The following NLK variants were observed in gnomAD, a reference collection of about 807,000 sequenced individuals.
NLK encodes the protein nemo like kinase.
In NLK, 11 loss-of-function variants were observed where a neutral mutation model predicts 59.0. The observed-to-expected ratio is 0.19, with a 90% CI of 0.12 to 0.31. The LOEUF (loss-of-function observed/expected upper bound fraction) is 0.31, where lower values mean the gene tolerates loss of function less well. Among genes scored for constraint, NLK ranks in the 10% least tolerant of loss-of-function variants. The pLI, the probability that NLK is intolerant of heterozygous loss-of-function variation, is 1.00. For missense variants in NLK, 410 were observed against 661.1 expected (o/e 0.62, Z 4.16); for synonymous variants, 235 against 235.9 (o/e 1.00, Z 0.03).
intron 1 of NLK, among the ~76,000 whole-genome samples, chr17:28,049,371 A>G (rs1909169286): frequency 6.6e-6 from 1 of 152,174 alleles, no homozygotes; most frequent in Non-Finnish European, 1.5e-5. Context: ...AGGCAGTGAA[A>G]GTTTTTAACA....
intron 1 of NLK, among the ~76,000 whole-genome samples, chr17:28,118,612 C>T (rs1429381295): frequency 6.6e-6 from 1 of 152,116 alleles, no homozygotes; most frequent in Non-Finnish European, 1.5e-5. Flanking sequence ...AGATTTGTGG[C>T]AGTGTTCCGT....
intron 7 of NLK, among the ~76,000 whole-genome samples, chr17:28,179,448 C>T (rs1411141274): frequency 1.3e-5 from 2 of 151,930 alleles, no homozygotes; most frequent in Non-Finnish European, 2.9e-5. Flanking sequence ...GAGGGTCTCC[C>T]GGCTGGGAAT....
At chr17:28,061,095 C>T (rs900289723) in intron 1 of NLK, among the ~76,000 whole-genome samples, 1 of 152,278 alleles carries the variant, frequency 6.6e-6, no homozygotes, top group Middle Eastern at 3.4e-3. Flanking sequence ...GCAATCATAG[C>T]TCACTGCAGC....
At chr17:28,087,589 A>G (rs893477517) in intron 1 of NLK, among the ~76,000 whole-genome samples, 1 of 152,252 alleles carries the variant, frequency 6.6e-6, no homozygotes, top group African/African-American at 2.4e-5. Flanking sequence ...GCATACGGGC[A>G]TATTTGGGGA....
At chr17:28,187,121 A>G (rs575675317) in intron 8 of NLK, among the ~76,000 whole-genome samples, 4 of 152,236 alleles carry the variant, frequency 2.6e-5, no homozygotes, top group Admixed American at 2.0e-4. Context: ...CTGTCTGACC[A>G]TAGAGGATTT....
chr17:28,122,343 GAGTA>G (rs1262283211), intron 1 of NLK, among the ~76,000 whole-genome samples: 2 of 151,974 alleles, frequency 1.3e-5, no homozygotes, highest in Non-Finnish European at 2.9e-5. Flanking sequence ...CTCTCTGAAA[GAGTA>G]AGTGTTTATA....
chr17:28,184,608 A>G (rs1375268322), intron 7 of NLK, among the ~76,000 whole-genome samples: 2 of 152,148 alleles, frequency 1.3e-5, no homozygotes, highest in Non-Finnish European at 2.9e-5. Flanking sequence ...TCATTTTTTT[A>G]TAGACTCTTT....
chr17:28,099,664 C>G (rs1406041658), intron 1 of NLK, among the ~76,000 whole-genome samples: 4 of 149,242 alleles, frequency 2.7e-5, no homozygotes, highest in Non-Finnish European at 5.9e-5. Context: ...CTGCAAGCTC[C>G]GCTTCCCGGG....
chr17:28,122,053 A>T (rs1316892412), intron 1 of NLK, among the ~76,000 whole-genome samples: 2 of 152,186 alleles, frequency 1.3e-5, no homozygotes, highest in African/African-American at 2.4e-5. Flanking sequence ...AGCTACAGGG[A>T]TCCCTAAGCT....
chr17:28,079,125 G>T (rs868104122), intron 1 of NLK, among the ~76,000 whole-genome samples: 25 of 152,262 alleles, frequency 1.6e-4, no homozygotes, highest in Middle Eastern at 6.8e-3. Context: ...GAATCATGCA[G>T]TATTTGTCTT....
chr17:28,169,001 T>C (rs1362221418), intron 6 of NLK, among the ~76,000 whole-genome samples: 1 of 152,186 alleles, frequency 6.6e-6, no homozygotes, highest in Admixed American at 6.5e-5. Context: ...TTCTCCTGCC[T>C]CAGCCTCCCA....
chr17:28,105,726 GA>G (rs1272808713), intron 1 of NLK, among the ~76,000 whole-genome samples: 2 of 152,176 alleles, frequency 1.3e-5, no homozygotes, highest in African/African-American at 2.4e-5. Context: ...GGCCACAGAA[GA>G]AAGCCTTTGT....
chr17:28,181,442 G>A (rs1908901388), intron 7 of NLK, among the ~76,000 whole-genome samples: 1 of 151,600 alleles, frequency 6.6e-6, no homozygotes, highest in Non-Finnish European at 1.5e-5. Context: ...GGTGGCACAT[G>A]CCTGTAGTCC....
At chr17:28,057,649 A>C (rs1472360760) in intron 1 of NLK, among the ~76,000 whole-genome samples, 1 of 152,220 alleles carries the variant, frequency 6.6e-6, no homozygotes, top group Non-Finnish European at 1.5e-5. Context: ...TCTGTGACAG[A>C]GGACATGATT....
chr17:28,044,158 G>A (rs1336970985), intron 1 of NLK, among the ~76,000 whole-genome samples: 1 of 152,118 alleles, frequency 6.6e-6, no homozygotes. Flanking sequence ...TAACATTTTG[G>A]TCTATTTGGT....
chr17:28,146,382 TTGA>T (rs10633971), intron 3 of NLK, among the ~76,000 whole-genome samples: 125 of 150,588 alleles, frequency 8.3e-4, no homozygotes, highest in Non-Finnish European at 1.2e-3. Context: ...TATAACGATG[TTGA>T]TGATGATGAT....
chr17:28,182,553 A>G (rs1908951650), intron 7 of NLK, among the ~76,000 whole-genome samples: 1 of 152,172 alleles, frequency 6.6e-6, no homozygotes, highest in African/African-American at 2.4e-5. Flanking sequence ...CTACTGACAA[A>G]CCAGAAAATA....
chr17:28,146,320 C>T (rs930928341), intron 3 of NLK, among the ~76,000 whole-genome samples: 2 of 151,962 alleles, frequency 1.3e-5, no homozygotes, highest in Non-Finnish European at 2.9e-5. Flanking sequence ...TTTGGCATAC[C>T]ACCTAGCATG....
intron 2 of NLK, among the ~76,000 whole-genome samples, chr17:28,127,778 G>A (rs1906350718): frequency 6.6e-6 from 1 of 152,054 alleles, no homozygotes; most frequent in Non-Finnish European, 1.5e-5. Context: ...ATACAAAATA[G>A]CCCAGACAAT....
Sources: allele counts gnomAD v4.1 joint callset (sites outside exome capture counted in the v4.1 genomes callset), GRCh38; gene constraint gnomAD v4.1.1; transcripts MANE v1.5; gene names NCBI Gene and HGNC (gene_info 2026-07-23, HGNC 2026-07-21).